FRMD5: variants seen among roughly 807,000 people sequenced by gnomAD.
FRMD5 encodes FERM domain-containing protein 5.
Under a neutral mutation model 69.0 loss-of-function variants are expected in FRMD5, and 20 were observed. That is an observed-to-expected ratio of 0.29 (90% CI 0.20 to 0.42). The LOEUF is 0.42. Among genes scored for constraint, FRMD5 ranks in the 10% least tolerant of loss-of-function variants. FRMD5 has a pLI of 1.00. For missense variants in FRMD5, 595 were observed against 708.6 expected, an observed-to-expected ratio of 0.84 and a Z score of 1.82; for synonymous variants, 271 against 260.1, an observed-to-expected ratio of 1.04 and a Z score of -0.40.
At chr15:44,189,645 C>T (rs1168830295) in intron 1 of FRMD5, among the ~76,000 whole-genome samples, 1 of 152,026 alleles carries the variant, frequency 6.6e-6, no homozygotes, top group Non-Finnish European at 1.5e-5. Flanking sequence ...TGTAACAGCA[C>T]ACACCTGGCT....
intron 1 of FRMD5, among the ~76,000 whole-genome samples, chr15:43,944,669 A>G (rs2089915281): frequency 6.6e-6 from 1 of 151,946 alleles, no homozygotes; most frequent in South Asian, 2.1e-4. Flanking sequence ...GGCTCACTGC[A>G]ACTTTCACCT....
At chr15:43,888,903 C>T (rs2088728927) in intron 8 of FRMD5, 31 bp from the exon 9 acceptor site, 1 of 1,597,428 alleles carries the variant, frequency 6.3e-7, no homozygotes. Flanking sequence ...CCTGTCACCT[C>T]ATTGTGGGCT....
intron 13 of FRMD5, chr15:43,876,018 G>A: frequency 8.1e-7 from 1 of 1,232,178 alleles, no homozygotes; most frequent in Non-Finnish European, 1.2e-6. Flanking sequence ...CCCTTGCCTG[G>A]CTTTATCTTC....
chr15:43,987,096 T>A (rs1199467139), intron 1 of FRMD5, among the ~76,000 whole-genome samples: 1 of 152,118 alleles, frequency 6.6e-6, no homozygotes, highest in African/African-American at 2.4e-5. Context: ...TCCATTTCCC[T>A]CCCTCTCTTC....
At chr15:44,014,672 G>A (rs1890875182) in intron 1 of FRMD5, among the ~76,000 whole-genome samples, 1 of 152,184 alleles carries the variant, frequency 6.6e-6, no homozygotes, top group South Asian at 2.1e-4. Flanking sequence ...AGGAGATGGA[G>A]GTTGCCTTGA....
At chr15:43,946,310 A>G (rs557447517) in intron 1 of FRMD5, among the ~76,000 whole-genome samples, 7 of 152,224 alleles carry the variant, frequency 4.6e-5, no homozygotes, top group Non-Finnish European at 8.8e-5. Context: ...CGTGTATAGC[A>G]TGACTGTAAA....
chr15:43,956,078 T>C (rs1459711131), intron 1 of FRMD5, among the ~76,000 whole-genome samples: 6 of 152,240 alleles, frequency 3.9e-5, no homozygotes, highest in Non-Finnish European at 8.8e-5. Flanking sequence ...AATATGATTC[T>C]ATCACACTTA....
intron 1 of FRMD5, among the ~76,000 whole-genome samples, chr15:44,127,961 C>T (rs964396882): frequency 4.6e-5 from 7 of 152,156 alleles, no homozygotes; most frequent in African/African-American, 1.7e-4. Flanking sequence ...CTGTAGCAAT[C>T]TGGCTTTTCA....
chr15:44,052,402 C>CCCCAT (rs1224926262), intron 1 of FRMD5, among the ~76,000 whole-genome samples: 1 of 152,114 alleles, frequency 6.6e-6, no homozygotes, highest in Non-Finnish European at 1.5e-5. Context: ...TATTTCCTGT[C>CCCCAT]CCCATCCTAG....
At chr15:44,044,891 C>T (rs999296051) in intron 1 of FRMD5, among the ~76,000 whole-genome samples, 6 of 152,194 alleles carry the variant, frequency 3.9e-5, no homozygotes, top group African/African-American at 1.4e-4. Context: ...TACACATGTG[C>T]CCCAGAACTT....
intron 1 of FRMD5, among the ~76,000 whole-genome samples, chr15:44,045,898 A>G (rs1001834947): frequency 3.3e-5 from 5 of 152,210 alleles, no homozygotes; most frequent in Non-Finnish European, 7.3e-5. Context: ...CAGGGCTTGA[A>G]CAAGATCTGT....
chr15:44,167,019 T>G (rs2077721545), intron 1 of FRMD5, among the ~76,000 whole-genome samples: 1 of 152,072 alleles, frequency 6.6e-6, no homozygotes, highest in Admixed American at 6.6e-5. Context: ...TTCAACTAAC[T>G]CCTTAATTAG....
chr15:44,097,015 A>G (rs1360430541), intron 1 of FRMD5, among the ~76,000 whole-genome samples: 1 of 152,182 alleles, frequency 6.6e-6, no homozygotes, highest in Admixed American at 6.5e-5. Flanking sequence ...ATCAACAAAC[A>G]CAAGTAGAGA....
chr15:44,050,697 G>A (rs567479106), intron 1 of FRMD5, among the ~76,000 whole-genome samples: 58 of 147,832 alleles, frequency 3.9e-4, no homozygotes, highest in East Asian at 4.0e-4. Flanking sequence ...TCGCTCTGTC[G>A]CCCAGGCTGG....
chr15:43,884,577 C>T, intron 12 of FRMD5, 150 bp downstream of exon 12: 1 of 618,508 alleles, frequency 1.6e-6, no homozygotes, highest in Non-Finnish European at 2.9e-6. Flanking sequence ...GACTTCTCCC[C>T]ATCCCTCTGA....
In FRMD5 at chr15:43,966,360, T is replaced by C. The variant is rs1024971151; in HGVS notation, c.103-42051A>G. Among the ~76,000 whole-genome samples, 13 of 151,964 alleles carry C rather than the reference T, an allele frequency of 8.6e-5. 1 individual carries two copies. In the South Asian group the frequency reaches 2.3e-3, roughly 27 times the overall value. On this transcript the variant is annotated intron_variant, in intron 1 of 13. Transcript: ENST00000417257. ...TTGCAGTCCAGCCTGGGAGACAGAG[T>C]GAGACCCTGTCTCTAAAAAAACAAA...
intron 1 of FRMD5, among the ~76,000 whole-genome samples, chr15:44,022,636 A>T (rs1036342857): frequency 1.3e-5 from 2 of 150,936 alleles, no homozygotes; most frequent in African/African-American, 2.4e-5. Flanking sequence ...ATATTCTTAC[A>T]CTTGAATAAT....
At chr15:44,041,728 C>G (rs530965459) in intron 1 of FRMD5, among the ~76,000 whole-genome samples, 3 of 152,164 alleles carry the variant, frequency 2.0e-5, no homozygotes, top group Admixed American at 6.5e-5. Context: ...TTCTTTGAAA[C>G]GAATGAGAAC....
At chr15:44,101,159 A>C (rs867199134) in intron 1 of FRMD5, among the ~76,000 whole-genome samples, 24 of 140,890 alleles carry the variant, frequency 1.7e-4, no homozygotes, top group Middle Eastern at 3.5e-3. Context: ...AAAAAAAAAA[A>C]CAACAAACAA....
Sources: gnomAD v4.1 joint callset for allele counts (sites outside exome capture counted in the v4.1 genomes callset) on GRCh38, gnomAD v4.1.1 for gene constraint, MANE v1.5 for transcripts, NCBI Gene and HGNC (gene_info 2026-07-23, HGNC 2026-07-21) for gene names.